Variants in CNTN1 observed in about 807,000 individuals in gnomAD.
CNTN1 encodes the protein contactin-1.
A neutral mutation model predicts 126.4 loss-of-function variants in CNTN1; 38 were observed. That is an observed-to-expected ratio of 0.30 (90% confidence interval 0.23 to 0.39). The LOEUF is 0.39. CNTN1 is among the 10% of genes least tolerant of loss of function. The probability of loss-of-function intolerance (pLI) is 1.00; values close to 1 mark genes in which losing one functional copy is unlikely to be tolerated. For synonymous variants in CNTN1, 413 were observed against 422.6 expected, an observed-to-expected ratio of 0.98 and a Z score of 0.28; for missense variants, 1,009 against 1,248.4, an observed-to-expected ratio of 0.81 and a Z score of 2.89.
chr12:40,971,782 G>A, intron 15 of CNTN1: 1 of 1,205,412 alleles, frequency 8.3e-7, no homozygotes, highest in South Asian at 2.1e-5. Context: ...GTGTTTTCAT[G>A]TCCTGTTTTT....
intron 1 of CNTN1, among the ~76,000 whole-genome samples, chr12:40,721,937 A>C (rs537029601): frequency 0.014 from 2,031 of 150,398 alleles, 46 homozygotes; most frequent in African/African-American, 0.046. Context: ...ACATTTTCTT[A>C]ATCCAGTCTA....
chr12:40,986,746 G>T (rs538239263), intron 16 of CNTN1, among the ~76,000 whole-genome samples: 1 of 152,214 alleles, frequency 6.6e-6, no homozygotes, highest in Non-Finnish European at 1.5e-5. Context: ...TATCGGTGCC[G>T]CAGAGGGAAG....
At chr12:41,014,839 T>C (rs1353671901) in intron 18 of CNTN1, among the ~76,000 whole-genome samples, 1 of 152,130 alleles carries the variant, frequency 6.6e-6, no homozygotes, top group African/African-American at 2.4e-5. Flanking sequence ...CTACAATCTC[T>C]AGAAAACAAT....
chr12:40,707,079 CACACACACA>C (rs1342087030), intron 1 of CNTN1, among the ~76,000 whole-genome samples: 274 of 124,796 alleles, frequency 2.2e-3, no homozygotes, highest in Middle Eastern at 4.2e-3. Context: ...CACACACACA[CACACACACA>C]CCCCTGCTCA....
intron 3 of CNTN1, among the ~76,000 whole-genome samples, chr12:40,917,240 TAA>T (rs1945278461): frequency 1.3e-5 from 2 of 152,154 alleles, no homozygotes; most frequent in South Asian, 4.1e-4. Flanking sequence ...ATAAGAAACA[TAA>T]ACAAAATTTT....
At chr12:40,965,717 T>C (rs1481328707) in intron 15 of CNTN1, among the ~76,000 whole-genome samples, 1 of 152,170 alleles carries the variant, frequency 6.6e-6, no homozygotes, top group African/African-American at 2.4e-5. Context: ...GTGAAAAGTT[T>C]GTGTAACTCT....
intron 1 of CNTN1, among the ~76,000 whole-genome samples, chr12:40,726,079 C>A (rs1942344480): frequency 6.6e-6 from 1 of 151,942 alleles, no homozygotes; most frequent in South Asian, 2.1e-4. Flanking sequence ...AAAAATAAAA[C>A]CTTTGTTTAA....
chr12:40,984,992 TTTTGGGGG>T (rs1947920408), intron 16 of CNTN1, among the ~76,000 whole-genome samples: 1 of 152,066 alleles, frequency 6.6e-6, no homozygotes, highest in East Asian at 1.9e-4. Flanking sequence ...ATGCTCATTA[TTTTGGGGG>T]AGTTTATTCA....
chr12:40,930,869 T>G (rs924118213), intron 7 of CNTN1, among the ~76,000 whole-genome samples: 15 of 151,976 alleles, frequency 9.9e-5, no homozygotes, highest in Admixed American at 6.6e-4. Flanking sequence ...TTCTGGCTCA[T>G]TTTTCTTTTC....
chr12:40,847,958 A>G (rs1342134872), intron 1 of CNTN1, among the ~76,000 whole-genome samples: 1 of 152,208 alleles, frequency 6.6e-6, no homozygotes, highest in Non-Finnish European at 1.5e-5. Context: ...CGGGCAGTTC[A>G]CAATAGAGTT....
Position 40,901,193 on chromosome 12 carries a change from G to T in CNTN1, c.-76-7164G>T, listed in dbSNP as rs184062920. On this transcript the variant is annotated intron_variant, in intron 1 of 23. Transcript: ENST00000551295. ...ATGCATAGCTAGTAATACAGCCAGG[G>T]TTTGAATCCTTTTATTCTAGACACA... Among the ~76,000 whole-genome samples the T allele has an allele frequency of 4.6e-3, 697 of 152,216 alleles. 6 individuals are homozygous for T. The highest frequency in any genetic ancestry group is 0.012 in the African/African-American group (518 of 41,496).
At chr12:40,745,366 G>A (rs1303874310) in intron 1 of CNTN1, among the ~76,000 whole-genome samples, 1 of 152,114 alleles carries the variant, frequency 6.6e-6, no homozygotes, top group Non-Finnish European at 1.5e-5. Context: ...GGGGCCATGA[G>A]ACATCAGTCA....
chr12:40,837,086 A>G (rs1942087370), intron 1 of CNTN1, among the ~76,000 whole-genome samples: 1 of 152,182 alleles, frequency 6.6e-6, no homozygotes, highest in African/African-American at 2.4e-5. Context: ...TAACTAAAAT[A>G]TATATAATGG....
chr12:40,706,724 C>G (rs1440958089), intron 1 of CNTN1, among the ~76,000 whole-genome samples: 1 of 152,198 alleles, frequency 6.6e-6, no homozygotes, highest in South Asian at 2.1e-4. Flanking sequence ...CAGATGCCCA[C>G]ACTACTTCTT....
chr12:40,699,044 G>A (rs1941529235), intron 1 of CNTN1, among the ~76,000 whole-genome samples: 1 of 146,284 alleles, frequency 6.8e-6, no homozygotes, highest in Admixed American at 7.1e-5. Flanking sequence ...TTTCTTGGAG[G>A]ACTTCCCCTG....
chr12:40,994,266 T>G (rs939786174), intron 17 of CNTN1, among the ~76,000 whole-genome samples: 3 of 152,074 alleles, frequency 2.0e-5, no homozygotes, highest in Non-Finnish European at 2.9e-5. Flanking sequence ...GATTTTTACT[T>G]CAAAGAATGG....
At chr12:40,728,755 A>G (rs1942421484) in intron 1 of CNTN1, 1 of 152,160 alleles carries the variant, frequency 6.6e-6, no homozygotes, top group African/African-American at 2.4e-5. Context: ...AAAATGATGC[A>G]CAAGCGTCCT....
chr12:40,891,940 G>T (rs1017422714), intron 1 of CNTN1, among the ~76,000 whole-genome samples: 1 of 152,060 alleles, frequency 6.6e-6, no homozygotes, highest in Non-Finnish European at 1.5e-5. Flanking sequence ...CTGCAGCTTT[G>T]ATTGGAATTG....
chr12:40,857,544 G>A (rs1192727098), intron 1 of CNTN1, among the ~76,000 whole-genome samples: 1 of 152,190 alleles, frequency 6.6e-6, no homozygotes, highest in East Asian at 1.9e-4. Context: ...CTGAAAGCAG[G>A]TGGGTTCTCA....
Sources: allele counts gnomAD v4.1 joint callset (sites outside exome capture counted in the v4.1 genomes callset), GRCh38; gene constraint gnomAD v4.1.1; transcripts MANE v1.5; gene names NCBI Gene and HGNC (gene_info 2026-07-23, HGNC 2026-07-21).